The following SAMSN1 variants were observed in gnomAD, a reference collection of about 807,000 sequenced individuals.
SAMSN1 encodes SAM domain, SH3 domain and nuclear localization signals 1.
A neutral mutation model predicts 42.0 loss-of-function variants in SAMSN1; 31 were observed. The observed-to-expected ratio is 0.74, with a 90% CI of 0.55 to 1.00. The LOEUF is 1.00. Among genes scored for constraint, SAMSN1 ranks in the 50% least tolerant of loss-of-function variants. The pLI is 0.00. For synonymous variants in SAMSN1, 178 were observed against 151.9 expected (o/e 1.17, Z -1.26); for missense variants, 464 against 439.4 (o/e 1.06, Z -0.50).
intron 1 of SAMSN1, among the ~76,000 whole-genome samples, chr21:14,525,742 T>C (rs961473229): frequency 6.6e-6 from 1 of 152,236 alleles, no homozygotes; most frequent in African/African-American, 2.4e-5. Context: ...GGGTAGATTT[T>C]ACTACTCTCT....
intron 1 of SAMSN1, among the ~76,000 whole-genome samples, chr21:14,536,501 C>A (rs897026593): frequency 6.6e-6 from 1 of 152,192 alleles, no homozygotes; most frequent in Non-Finnish European, 1.5e-5. Flanking sequence ...ATAGCTAATA[C>A]ATTTGGCCCC....
chr21:14,634,478 T>A (rs1389037365), intron 2 of SAMSN1, among the ~76,000 whole-genome samples: 2 of 150,998 alleles, frequency 1.3e-5, no homozygotes, highest in African/African-American at 4.9e-5. Flanking sequence ...GAAAAAAAAA[T>A]AAACAGCCCC....
chr21:14,488,949 G>T (rs917891798), intron 7 of SAMSN1, among the ~76,000 whole-genome samples: 1 of 152,106 alleles, frequency 6.6e-6, no homozygotes, highest in Non-Finnish European at 1.5e-5. Context: ...AAGCTATATC[G>T]CATTCACTTT....
At chr21:14,502,621 C>T (rs191278326) in intron 5 of SAMSN1, among the ~76,000 whole-genome samples, 106 of 152,246 alleles carry the variant, frequency 7.0e-4, no homozygotes, top group African/African-American at 1.0e-3. Flanking sequence ...CGGTATTGTA[C>T]GGAAGTTGAA....
chr21:14,539,895 A>G (rs1469042333), intron 1 of SAMSN1, among the ~76,000 whole-genome samples: 2 of 152,130 alleles, frequency 1.3e-5, no homozygotes, highest in African/African-American at 4.8e-5. Context: ...TTCAAACTAT[A>G]CTACAAGACT....
chr21:14,532,375 CA>C (rs1174692653), intron 1 of SAMSN1, among the ~76,000 whole-genome samples: 12 of 152,016 alleles, frequency 7.9e-5, no homozygotes, highest in Middle Eastern at 6.8e-3. Flanking sequence ...TATGTGGGGG[CA>C]AATATATGGT....
intron 7 of SAMSN1, among the ~76,000 whole-genome samples, chr21:14,491,221 G>A (rs1263611984): frequency 1.3e-5 from 2 of 151,720 alleles, no homozygotes; most frequent in African/African-American, 4.8e-5. Flanking sequence ...ATTTTGAGTT[G>A]AAGGCACTTG....
In SAMSN1 at chr21:14,530,172, C is replaced by G. The variant is rs972599486; in HGVS notation, c.58-8951G>C. Among the ~76,000 whole-genome samples, 3 of 152,028 alleles carry G rather than the reference C, an allele frequency of 2.0e-5. No homozygotes were observed. In the South Asian group the frequency reaches 6.2e-4, roughly 32 times the overall value. On this transcript the variant is annotated intron_variant, in intron 1 of 7. Transcript: ENST00000400566. ...CCTACTAAAAATACAAAAAAATTAG[C>G]CGGGCGTGGTGGCGGGTGCCTGTAG...
chr21:14,561,871 A>G lies in SAMSN1; in HGVS notation c.261+20265T>C, dbSNP rs577138918. On this transcript the variant is annotated intron_variant, in intron 2 of 8. Coordinates refer to the SAMSN1 transcript ENST00000285670. ...TGGAGGCAGGAAGTGGAATTATGCC[A>G]CCATGAATCAAGGAATGCCTAATGC... Among the ~76,000 whole-genome samples, 5 of 152,348 alleles carry G rather than the reference A, an allele frequency of 3.3e-5. No homozygotes were observed. In the East Asian group the frequency reaches 9.6e-4, roughly 29 times the overall value.
At position 14,636,128 on chromosome 21, in the gene SAMSN1, G is replaced by A. The variant is rs527334274; in HGVS notation, c.156+6874C>T. Among the ~76,000 whole-genome samples, 23 of 152,278 alleles carry A rather than the reference G, an allele frequency of 1.5e-4. 1 individual carries two copies. In the South Asian group the frequency reaches 4.8e-3, roughly 32 times the overall value. On this transcript the variant is annotated intron_variant, in intron 2 of 15. Coordinates refer to the SAMSN1 transcript ENST00000647101. ...ATTGCTCAGAAAACTTAGGGTCAGA[G>A]AAATTCAATCACATTCCCAAAGACA... is the stretch of plus-strand genomic sequence containing the variant.
chr21:14,628,538 A>T (rs547279359), intron 2 of SAMSN1, among the ~76,000 whole-genome samples: 46 of 152,266 alleles, frequency 3.0e-4, no homozygotes, highest in Admixed American at 3.9e-4. Flanking sequence ...TACCAACTGT[A>T]TTTTCAAAAC....
intron 2 of SAMSN1, among the ~76,000 whole-genome samples, chr21:14,580,975 T>C (rs2822783): frequency 0.097 from 14,749 of 152,182 alleles, 1,856 homozygotes; most frequent in African/African-American, 0.29. Flanking sequence ...CACTCTTAAG[T>C]ACTAGAAGAT....
chr21:14,539,103 T>A lies in SAMSN1; in HGVS notation c.57+7102A>T, dbSNP rs1035983736. Among the ~76,000 whole-genome samples, 3 of 152,214 alleles carry A rather than the reference T, an allele frequency of 2.0e-5. No individual in the cohort carries two copies. The East Asian group carries it at 5.8e-4, about 29-fold the overall frequency. ...ACCTGGACCAAGTTCTACCTTTAGG[T>A]AACAATGGGATTCTTTCATAACATT... On this transcript the variant is annotated intron_variant, in intron 1 of 7. Transcript: ENST00000400566.
intron 7 of SAMSN1, among the ~76,000 whole-genome samples, chr21:14,495,239 T>A (rs1735484): frequency 6.6e-6 from 1 of 151,960 alleles, no homozygotes; most frequent in African/African-American, 2.4e-5. Context: ...GAAGGTTGTG[T>A]GTTTAATCTT....
intron 2 of SAMSN1, among the ~76,000 whole-genome samples, chr21:14,627,035 C>G (rs936056226): frequency 6.6e-6 from 1 of 152,016 alleles, no homozygotes; most frequent in Non-Finnish European, 1.5e-5. Flanking sequence ...AGAGAAAAAA[C>G]CAAACACTGC....
At chr21:14,554,488 A>G (rs543463232) in intron 2 of SAMSN1, among the ~76,000 whole-genome samples, 5 of 151,996 alleles carry the variant, frequency 3.3e-5, no homozygotes, top group Admixed American at 3.3e-4. Context: ...TTTTCCTTCT[A>G]TTCCCTTCAT....
At chr21:14,519,732 C>T (rs1978335566) in intron 2 of SAMSN1, among the ~76,000 whole-genome samples, 1 of 151,836 alleles carries the variant, frequency 6.6e-6, no homozygotes, top group Non-Finnish European at 1.5e-5. Flanking sequence ...GATCTAAAAA[C>T]CTATTGATCT....
intron 1 of SAMSN1, among the ~76,000 whole-genome samples, chr21:14,643,800 G>A (rs1347336023): frequency 7.9e-5 from 12 of 152,140 alleles, no homozygotes; most frequent in Admixed American, 3.3e-4. Flanking sequence ...CCGAATCTCC[G>A]ACGCCACTCC....
intron 7 of SAMSN1, among the ~76,000 whole-genome samples, chr21:14,488,331 T>G (rs1470212842): frequency 6.6e-6 from 1 of 152,180 alleles, no homozygotes; most frequent in East Asian, 1.9e-4. Context: ...ATTGATATCC[T>G]AAACAAGACT....
Sources: allele counts gnomAD v4.1 joint callset (sites outside exome capture counted in the v4.1 genomes callset), GRCh38; gene constraint gnomAD v4.1.1; transcripts MANE v1.5; gene names NCBI Gene and HGNC (gene_info 2026-07-23, HGNC 2026-07-21).